NCKAP5: variants seen among roughly 807,000 people sequenced by gnomAD.
The protein encoded by NCKAP5 is nck-associated protein 5.
Under a neutral mutation model 167.0 loss-of-function variants are expected in NCKAP5, and 92 were observed. The observed-to-expected ratio is 0.55, with a 90% CI of 0.47 to 0.66. The LOEUF (loss-of-function observed/expected upper bound fraction) is 0.66. Among genes scored for constraint, NCKAP5 ranks in the 30% least tolerant of loss-of-function variants. NCKAP5 has a pLI of 0.00. For synonymous variants in NCKAP5, 891 were observed against 877.4 expected (o/e 1.02, Z -0.27); for missense variants, 2,378 against 2,315.0 (o/e 1.03, Z -0.56).
chr2:133,601,421 T>C, the NCKAP5 span, among the ~76,000 whole-genome samples: 1 of 152,168 alleles, frequency 6.6e-6, no homozygotes, highest in African/African-American at 2.4e-5. Context: ...AATACACTGG[T>C]AACCCAATTT....
intron 8 of NCKAP5, among the ~76,000 whole-genome samples, chr2:132,928,300 T>C (rs575053528): frequency 4.3e-4 from 66 of 152,344 alleles, no homozygotes; most frequent in African/African-American, 1.5e-3. Flanking sequence ...ATCTGGCATG[T>C]GGTAAGCACT....
rs927899492 is a variant in NCKAP5, at chr2:133,469,416, C to T, written c.69+48042G>A. On this transcript the variant is annotated intron_variant, in intron 3 of 19. Coordinates refer to ENST00000409261, the MANE Select transcript of NCKAP5 (RefSeq NM_207363.3). ...TATGGGCTTCCCTTTGAGGGTAACC[C>T]GACCTTTCTCTCTGGCTGCCCTTAA... Among the ~76,000 whole-genome samples the T allele has an allele frequency of 2.6e-5, 4 of 151,910 alleles. No individual in the cohort carries two copies. The East Asian group carries it at 5.8e-4, about 22-fold the overall frequency.
chr2:133,512,847 C>CT (rs1035727103), intron 3 of NCKAP5, among the ~76,000 whole-genome samples: 3 of 152,116 alleles, frequency 2.0e-5, no homozygotes, highest in Non-Finnish European at 4.4e-5. Context: ...TACAGCTCCC[C>CT]CATGGCCCCT....
At chr2:133,314,873 T>C (rs1424646783) in intron 3 of NCKAP5, among the ~76,000 whole-genome samples, 1 of 152,096 alleles carries the variant, frequency 6.6e-6, no homozygotes, top group Non-Finnish European at 1.5e-5. Flanking sequence ...CTAAAGGAAG[T>C]GACGGAACTA....
chr2:132,775,944 AATC>A (rs762610572), intron 15 of NCKAP5, among the ~76,000 whole-genome samples: 4 of 152,206 alleles, frequency 2.6e-5, no homozygotes, highest in Admixed American at 6.5e-5. Context: ...ACTGTCAGTA[AATC>A]ATCATCTCTG....
At chr2:132,773,743 T>A (rs780914056) in intron 16 of NCKAP5, 73 bp downstream of exon 16, 22 of 1,197,708 alleles carry the variant, frequency 1.8e-5, no homozygotes, top group Non-Finnish European at 1.8e-5. Context: ...TCTCTAGGAA[T>A]GTACCATATC....
intron 13 of NCKAP5, among the ~76,000 whole-genome samples, chr2:132,788,049 C>A (rs1683734109): frequency 1.3e-5 from 2 of 152,180 alleles, no homozygotes; most frequent in African/African-American, 4.8e-5. Context: ...TAGCCACATT[C>A]CTCCTTCAGT....
intron 3 of NCKAP5, among the ~76,000 whole-genome samples, chr2:133,442,710 C>T (rs1036350145): frequency 2.6e-5 from 4 of 152,150 alleles, no homozygotes; most frequent in Admixed American, 1.3e-4. Context: ...GTTGAACTAT[C>T]GAAAGGGAGG....
At chr2:132,712,878 ACACACC>A (rs1187742275) in intron 19 of NCKAP5, among the ~76,000 whole-genome samples, 30 of 152,186 alleles carry the variant, frequency 2.0e-4, no homozygotes, top group Admixed American at 2.0e-3. Flanking sequence ...GAGGAGGGGC[ACACACC>A]CAGATCCAGA....
At chr2:133,347,697 C>A (rs922583156) in intron 3 of NCKAP5, among the ~76,000 whole-genome samples, 1 of 152,008 alleles carries the variant, frequency 6.6e-6, no homozygotes, top group African/African-American at 2.4e-5. Context: ...CCTCCCTGTC[C>A]CCCTTTCATT....
the NCKAP5 span, among the ~76,000 whole-genome samples, chr2:133,658,720 G>A: frequency 6.6e-6 from 1 of 152,178 alleles, no homozygotes; most frequent in Admixed American, 6.5e-5. Context: ...TACTGCCTTT[G>A]TCCAGAGATA....
intron 4 of NCKAP5, among the ~76,000 whole-genome samples, chr2:133,218,878 T>A (rs201651553): frequency 6.6e-6 from 1 of 152,204 alleles, no homozygotes; most frequent in East Asian, 1.9e-4. Flanking sequence ...TCAAATCTTA[T>A]TAATTCAATT....
At chr2:133,282,438 G>A (rs1169799030) in intron 4 of NCKAP5, among the ~76,000 whole-genome samples, 1 of 152,108 alleles carries the variant, frequency 6.6e-6, no homozygotes, top group Non-Finnish European at 1.5e-5. Flanking sequence ...TTCCTTATAA[G>A]TAACATTGAT....
chr2:132,980,098 T>C (rs1050539909), intron 7 of NCKAP5, among the ~76,000 whole-genome samples: 1 of 150,764 alleles, frequency 6.6e-6, no homozygotes, highest in African/African-American at 2.4e-5. Context: ...CAGGTGATAC[T>C]CCCACCTCAG....
At chr2:132,789,242 A>C (rs1488040539) in intron 13 of NCKAP5, among the ~76,000 whole-genome samples, 1 of 152,180 alleles carries the variant, frequency 6.6e-6, no homozygotes, top group African/African-American at 2.4e-5. Context: ...CAAAGCGAGG[A>C]AACATCCCTG....
intron 5 of NCKAP5, among the ~76,000 whole-genome samples, chr2:133,180,363 C>T (rs2084677115): frequency 6.6e-6 from 1 of 151,834 alleles, no homozygotes; most frequent in South Asian, 2.1e-4. Context: ...GAAACAGGGT[C>T]TCACTGTGTT....
rs374131553 is a variant in NCKAP5 at position 133,123,182 on chromosome 2, CAT to C, written c.341+6794_341+6795del. On this transcript the variant is annotated intron_variant, in intron 6 of 19. Coordinates refer to ENST00000409261, the MANE Select transcript of NCKAP5 (RefSeq NM_207363.3). ...CTCTTTAAAAAAATTTAAGAAGAAA[CAT>C]GTGACCATTTCATCATTTATTAGGC... The C allele has an allele frequency of 6.4e-4, 98 of 152,404 alleles. 1 individual carries two copies. The highest frequency in any genetic ancestry group is 2.1e-3 in the African/African-American group (86 of 41,548). 9.4% of individuals were successfully genotyped at this position (152,404 alleles called of 1,614,324 possible).
At chr2:133,468,697 T>G (rs981368781) in intron 3 of NCKAP5, among the ~76,000 whole-genome samples, 2 of 152,240 alleles carry the variant, frequency 1.3e-5, no homozygotes, top group African/African-American at 2.4e-5. Flanking sequence ...GGTGCTCCTG[T>G]ATTGGGTGCA....
At chr2:133,615,438 T>C in the NCKAP5 span, among the ~76,000 whole-genome samples, 3 of 151,346 alleles carry the variant, frequency 2.0e-5, no homozygotes, top group African/African-American at 7.3e-5. Flanking sequence ...AGGCTCAAAA[T>C]AAAAGGATGG....
Sources: allele counts gnomAD v4.1 joint callset (sites outside exome capture counted in the v4.1 genomes callset), GRCh38; gene constraint gnomAD v4.1.1; transcripts MANE v1.5; gene names NCBI Gene and HGNC (gene_info 2026-07-23, HGNC 2026-07-21).